ARMC8: variants seen among roughly 807,000 people sequenced by gnomAD.
ARMC8 encodes armadillo repeat containing 8, also known as armadillo repeat-containing protein 8.
In ARMC8, 20 loss-of-function variants were observed where a neutral mutation model predicts 99.3. That is an observed-to-expected ratio of 0.20 (90% CI 0.14 to 0.29). The LOEUF is 0.29. Ranked by LOEUF, ARMC8 falls within the 10% of genes least tolerant of loss-of-function variation. ARMC8 has a pLI of 1.00. For synonymous variants in ARMC8, 263 were observed against 278.3 expected (o/e 0.95, Z 0.55); for missense variants, 569 against 809.5 (o/e 0.70, Z 3.60).
chr3:138,189,839 C>T (rs998269678), intron 1 of ARMC8, among the ~76,000 whole-genome samples: 4 of 152,176 alleles, frequency 2.6e-5, no homozygotes, highest in South Asian at 2.1e-4. Flanking sequence ...TGACACCCAT[C>T]GCTTCCAATA....
In ARMC8 at chr3:138,296,935, G is replaced by C. The variant is rs530717726; in HGVS notation, c.*1043G>C. 1 of 152,252 alleles carries C rather than the reference G, an allele frequency of 6.6e-6. No homozygotes were observed. Among genetic ancestry groups the C allele is most frequent in the South Asian group, 2.1e-4 (1 of 4,828 alleles). The allele number at this position is 152,252 out of a possible 1,614,324, so 9.4% of individuals were successfully genotyped here. A position where few individuals can be genotyped will look rare whatever the true frequency, so the allele number is the denominator to read the frequency against. On this transcript the variant is annotated 3_prime_UTR_variant, in exon 22 of 22. Transcript: ENST00000469044. ...AAACTTGTGCTCAAACTAAAAGTAG[G>C]TCATCACTTCCCAGAAACAGAATAC... is the stretch of plus-strand genomic sequence containing the variant.
Position 138,284,440 on chromosome 3 carries a change from A to G in ARMC8, c.1735A>G (p.Ile579Val). 2 of 1,613,152 alleles carry G rather than the reference A, an allele frequency of 1.2e-6. No homozygotes were observed. The highest frequency in any genetic ancestry group is 1.7e-6 in the Non-Finnish European group (2 of 1,179,144). Reference protein sequence around the residue: ...NIEVKEQTLCILANIADGTTA... With the variant: ...NIEVKEQTLCVLANIADGTTA... ...CTTTGTTCTTTTCCAGACACTGTGC[A>G]TCTTAGCCAACATAGCGGATGGGAC... The change falls in exon 19 of 22, where the codon ATC becomes GTC. Residue 579 changes from isoleucine (I) to valine (V), a missense_variant. Ile to Val is a conservative substitution (Grantham distance 29, BLOSUM62 3). Transcript: ENST00000469044.
chr3:138,197,755 C>T (rs2043820635), intron 1 of ARMC8, among the ~76,000 whole-genome samples: 1 of 152,188 alleles, frequency 6.6e-6, no homozygotes, highest in Admixed American at 6.5e-5. Context: ...GTTCTTATCT[C>T]ATTTGCTCTA....
chr3:138,278,732 A>AT (rs1217681195), intron 18 of ARMC8, among the ~76,000 whole-genome samples: 1 of 152,136 alleles, frequency 6.6e-6, no homozygotes, highest in African/African-American at 2.4e-5. Context: ...AATTCTTCTT[A>AT]TAGCAGTGTT....
chr3:138,192,476 A>T (rs113287575), intron 1 of ARMC8, among the ~76,000 whole-genome samples: 6,212 of 151,872 alleles, frequency 0.041, 407 homozygotes, highest in African/African-American at 0.14. Flanking sequence ...ACGGAGTTTC[A>T]CTGTGTTAGC....
chr3:138,211,093 G>A (rs1576625317), intron 2 of ARMC8, among the ~76,000 whole-genome samples: 1 of 152,056 alleles, frequency 6.6e-6, no homozygotes, highest in South Asian at 2.1e-4. Context: ...TTATTACCAG[G>A]AAAAATGGTT....
chr3:138,205,868 TAAA>T (rs1179889886), intron 1 of ARMC8, among the ~76,000 whole-genome samples: 1 of 152,152 alleles, frequency 6.6e-6, no homozygotes, highest in East Asian at 1.9e-4. Flanking sequence ...ACTTGGACCA[TAAA>T]AATAAAAATC....
chr3:138,259,559 A>G (rs1261189293), intron 12 of ARMC8, among the ~76,000 whole-genome samples: 4 of 152,228 alleles, frequency 2.6e-5, no homozygotes, highest in Non-Finnish European at 5.9e-5. Context: ...AGATTCAAGC[A>G]TGCTTTCTAG....
chr3:138,272,659 G>A (rs189760781), intron 16 of ARMC8, among the ~76,000 whole-genome samples: 2 of 152,288 alleles, frequency 1.3e-5, no homozygotes, highest in Admixed American at 1.3e-4. Context: ...AGTGGATCAC[G>A]AGGTCAGGAG....
chr3:138,283,176 A>G, intron 18 of ARMC8, among the ~76,000 whole-genome samples: 1 of 152,374 alleles, frequency 6.6e-6, no homozygotes, highest in South Asian at 2.1e-4. Flanking sequence ...TTACTCCCTA[A>G]TAATCTAGTG....
intron 1 of ARMC8, among the ~76,000 whole-genome samples, chr3:138,193,371 G>A (rs978190794): frequency 1.3e-5 from 2 of 151,570 alleles, no homozygotes; most frequent in Non-Finnish European, 2.9e-5. Context: ...AGAGATTCTC[G>A]GGCCTCTGCC....
chr3:138,246,405 T>TA (rs200699462), intron 12 of ARMC8: 25,059 of 985,398 alleles, frequency 0.025, 428 homozygotes, highest in South Asian at 0.1. Flanking sequence ...ATACTAGTGA[T>TA]ATATATATGA....
chr3:138,237,082 A>G (rs1422662765), intron 7 of ARMC8, among the ~76,000 whole-genome samples: 1 of 152,214 alleles, frequency 6.6e-6, no homozygotes, highest in Non-Finnish European at 1.5e-5. Context: ...TTAAATTTAA[A>G]TTGCTACTTC....
At chr3:138,292,702 T>C (rs1400217652) in intron 21 of ARMC8, among the ~76,000 whole-genome samples, 1 of 152,104 alleles carries the variant, frequency 6.6e-6, no homozygotes, top group African/African-American at 2.4e-5. Context: ...AGCGTTAAGA[T>C]GCATATTAGA....
chr3:138,242,640 C>T (rs1023453041), intron 11 of ARMC8, among the ~76,000 whole-genome samples: 20 of 152,128 alleles, frequency 1.3e-4, no homozygotes, highest in African/African-American at 4.8e-4. Flanking sequence ...AAAGTTTATT[C>T]AAGGAGGTCA....
intron 10 of ARMC8, among the ~76,000 whole-genome samples, chr3:138,241,183 A>C (rs16847937): frequency 0.014 from 2,076 of 152,350 alleles, 50 homozygotes; most frequent in African/African-American, 0.048. Context: ...TACCACTGCT[A>C]ATTCCAGCAA....
intron 18 of ARMC8, 144 bp from the exon 19 acceptor site, chr3:138,284,287 T>C (rs1024480485): frequency 1.5e-6 from 1 of 650,816 alleles, no homozygotes; most frequent in East Asian, 2.5e-5. Flanking sequence ...AGCAATGATG[T>C]CAGCAGATGA....
chr3:138,235,098 C>T lies in ARMC8; in HGVS notation c.593C>T (p.Thr198Ile), dbSNP rs779223345. 6.8e-6 allele frequency: 11 copies of T among 1,613,130 alleles called. No individual in the cohort carries two copies. The East Asian group carries it at 1.6e-4, about 23-fold the overall frequency. ...GTTCAGAATATTGCTCACCTACTAA[C>T]CTCACTGTCCTACAAAGTAAGATGT... ...GAVQNIAHLL[T>I]SLSYKVRMQA... is the part of the protein sequence containing the mutation. The change falls in exon 7 of 22, where the codon ACC becomes ATC. Residue 198 changes from threonine (T) to isoleucine (I), a missense_variant. Thr to Ile is a moderately conservative substitution (Grantham distance 89). Around this residue, in one of 2 missense-constraint regions of ARMC8, gnomAD observed 342 missense variants for 391.6 expected, o/e 0.87. Transcript: ENST00000469044.
At chr3:138,262,597 TAAAAA>T in intron 12 of ARMC8, 1 of 1,380,900 alleles carries the variant, frequency 7.2e-7, no homozygotes, top group Admixed American at 2.2e-5. Context: ...CTGAGGAGAT[TAAAAA>T]AAAAAAAAAA....
Sources: gnomAD v4.1 joint callset for allele counts (sites outside exome capture counted in the v4.1 genomes callset) on GRCh38, gnomAD v4.1.1 for gene constraint, gnomAD v4.1.1 regional missense constraint, MANE v1.5 for transcripts, NCBI Gene and HGNC (gene_info 2026-07-23, HGNC 2026-07-21) for gene names.